Variants in SSRP1 observed in about 807,000 individuals in gnomAD.
SSRP1 encodes FACT complex subunit SSRP1.
SSRP1 carries 21 observed loss-of-function variants against 84.4 expected under a neutral mutation model. The ratio of observed to expected loss-of-function variants is 0.25; its 90% CI spans 0.18 to 0.36. The LOEUF is 0.36. Ranked by LOEUF, SSRP1 falls within the 10% of genes least tolerant of loss-of-function variation. The probability of loss-of-function intolerance (pLI) is 1.00; values close to 1 mark genes in which losing one functional copy is unlikely to be tolerated. For synonymous variants in SSRP1, 319 were observed against 318.3 expected, an observed-to-expected ratio of 1.00 and a Z score of -0.02; for missense variants, 519 against 900.8, an observed-to-expected ratio of 0.58 and a Z score of 5.43.
At chr11:57,331,447 G>A (rs977221913) in intron 9 of SSRP1, among the ~76,000 whole-genome samples, 1 of 151,778 alleles carries the variant, frequency 6.6e-6, no homozygotes, top group Non-Finnish European at 1.5e-5. Flanking sequence ...TACGGAAAAA[G>A]TTTTTTTTGT....
Position 57,330,273 on chromosome 11 carries a change from G to A in SSRP1, c.1435+18C>T. ...GAGCGTCTGACCATCCTCGTGCTCA[G>A]CACGGAGGCTAACCCACCGGTTTCT... On this transcript the variant is annotated intron_variant, in intron 11 of 16. Coordinates refer to ENST00000278412, the MANE Select transcript of SSRP1 (RefSeq NM_003146.3). The surrounding 1 kb of genome is among the most constrained non-coding windows in gnomAD (Gnocchi z 4.0). 1 of 1,614,218 alleles carries A rather than the reference G, an allele frequency of 6.2e-7. No individual in the cohort carries two copies. Among genetic ancestry groups the A allele is most frequent in the South Asian group, 1.1e-5 (1 of 91,084 alleles).
chr11:57,326,733 G>A lies in SSRP1; in HGVS notation c.2028C>T (p.Asn676=). 2 of 1,613,804 alleles carry A rather than the reference G, an allele frequency of 1.2e-6. No individual in the cohort carries two copies. The highest frequency in any genetic ancestry group is 1.7e-6 in the Non-Finnish European group (2 of 1,179,942). Residue 676 remains asparagine (N), a synonymous_variant, in exon 16 of 17, where the codon AAC becomes AAT. Coordinates refer to ENST00000278412, the MANE Select transcript of SSRP1 (RefSeq NM_003146.3). ...TCCTCCTCCTCTTCTTTTTGCTCTT[G>A]TTCTCTCCCGAAGAGCTCTCATCAC... ...VSSDESSSGE[N]KSKKKRRRSE... is the part of the protein sequence containing the mutation.
At chr11:57,327,141 GT>G (rs986203496) in intron 15 of SSRP1, 2 of 713,180 alleles carry the variant, frequency 2.8e-6, no homozygotes, top group Non-Finnish European at 4.5e-6. Context: ...ATCTTTTAGA[GT>G]TCATGCAAAC....
chr11:57,330,178 G>A lies in SSRP1; in HGVS notation c.1436-40C>T. The A allele has an allele frequency of 6.2e-7, 1 of 1,614,156 alleles. No homozygotes were observed. Among genetic ancestry groups the A allele is most frequent in the Non-Finnish European group, 8.5e-7 (1 of 1,180,030 alleles). On this transcript the variant is annotated intron_variant, in intron 11 of 16. Coordinates refer to ENST00000278412, the MANE Select transcript of SSRP1 (RefSeq NM_003146.3). The surrounding 1 kb of genome is among the most constrained non-coding windows in gnomAD (Gnocchi z 4.0). ...AGGATGCATCAGCTTCTGCCCCAAT[G>A]GAAATCCCCCCACCTCACCCAGGCA...
At position 57,330,848 on chromosome 11, in the gene SSRP1, G is replaced by A. The variant is rs1236477743; in HGVS notation, c.1296+7C>T. ...GAGAGGGTCTCATCCTCCCCACACA[G>A]AAGTACCTCTTTCAATCCTCGGTTT... On this transcript the variant is annotated splice_region_variant and intron_variant, in intron 10 of 16. Transcript: ENST00000278412. This position sits in a 1 kb window ranked among gnomAD's most constrained non-coding sequence, Gnocchi z 4.0. The A allele has an allele frequency of 6.2e-7, 1 of 1,614,098 alleles. No individual in the cohort carries two copies. Among genetic ancestry groups the A allele is most frequent in the Non-Finnish European group, 8.5e-7 (1 of 1,180,030 alleles).
rs73472539 is a variant in SSRP1 at position 57,333,833 on chromosome 11, A to G, written c.241-293T>C. On this transcript the variant is annotated intron_variant, in intron 3 of 16. Coordinates refer to ENST00000278412, the MANE Select transcript of SSRP1 (RefSeq NM_003146.3). ...AAAGCCTTTAACTCAAGCAGTTCAAAAAGGAAAACAAAACCCACACTTTAA... is the reference window on the plus strand; with the variant it reads ...AAAGCCTTTAACTCAAGCAGTTCAAGAAGGAAAACAAAACCCACACTTTAA... 8.4e-3 allele frequency among the ~76,000 whole-genome samples: 1,274 copies of G among 152,370 alleles called. 17 individuals are homozygous for G. The highest frequency in any genetic ancestry group is 0.028 in the African/African-American group (1,183 of 41,576).
At position 57,330,608 on chromosome 11, in the gene SSRP1, G is replaced by T. The variant is rs1856069457; in HGVS notation, c.1297-179C>A. Reference sequence around the variant, plus strand: ...ATGCCCAAGTACTTCCTGCCAACTGGGTTAGTCCAAGCCCCAAGCCCCTCC... The same window carrying T: ...ATGCCCAAGTACTTCCTGCCAACTGTGTTAGTCCAAGCCCCAAGCCCCTCC... On this transcript the variant is annotated intron_variant, in intron 10 of 16. Transcript: ENST00000278412. This position sits in a 1 kb window ranked among gnomAD's most constrained non-coding sequence, Gnocchi z 4.0. The T allele has an allele frequency of 1.4e-6, 2 of 1,431,072 alleles. No individual in the cohort carries two copies. Among genetic ancestry groups the T allele is most frequent in the East Asian group, 5.0e-5 (2 of 40,250 alleles). 88.6% of individuals were successfully genotyped at this position (1,431,072 alleles called of 1,614,324 possible).
In SSRP1 at chr11:57,326,246, C is replaced by G. The variant is rs938329945; in HGVS notation, c.*161G>C. ...TCCTTGGGAAGCAGCAGAGTTAAGA[C>G]GTCTCCCCACTGCCCTAGTGACATA... On this transcript the variant is annotated 3_prime_UTR_variant, in exon 17 of 17. Transcript: ENST00000278412. 33 of 673,398 alleles carry G rather than the reference C, an allele frequency of 4.9e-5. No homozygotes were observed. In the African/African-American group the frequency reaches 5.0e-4, roughly 10 times the overall value. The allele number at this position is 673,398 out of a possible 1,614,324, so 41.7% of individuals were successfully genotyped here. A position where few individuals can be genotyped will look rare whatever the true frequency, so the allele number is the denominator to read the frequency against.
chr11:57,332,125 G>C lies in SSRP1; in HGVS notation c.1001+27C>G. On this transcript the variant is annotated intron_variant, in intron 8 of 16. Transcript: ENST00000278412. The surrounding 1 kb of genome is among the most constrained non-coding windows in gnomAD (Gnocchi z 5.5). ...CACGGCATTTCCCATACCCAGGCAG[G>C]GCAGGATCCCAGGCCCACACTCTCA... 1.2e-6 allele frequency: 2 copies of C among 1,612,728 alleles called. No homozygotes were observed. Among genetic ancestry groups the C allele is most frequent in the Non-Finnish European group, 1.7e-6 (2 of 1,179,924 alleles).
chr11:57,328,190 A>G (rs1856021979), intron 13 of SSRP1, 107 bp downstream of exon 13: 4 of 1,505,732 alleles, frequency 2.7e-6, no homozygotes, highest in Admixed American at 2.2e-5. Context: ...AACAGCCCCA[A>G]GGAAGAACAG....
chr11:57,330,648 C>A lies in SSRP1; in HGVS notation c.1296+207G>T. On this transcript the variant is annotated intron_variant, in intron 10 of 16. Transcript: ENST00000278412. The surrounding 1 kb of genome is among the most constrained non-coding windows in gnomAD (Gnocchi z 4.0). ...CAAGCCCCTCCCTCTCCCAGCCCCA[C>A]TGGGGGCTCCTGAGGGGCTGCATAG... 6.9e-7 allele frequency: 1 copy of A among 1,444,202 alleles called. No individual in the cohort carries two copies. The highest frequency in any genetic ancestry group is 9.1e-7 in the Non-Finnish European group (1 of 1,104,948). The allele number at this position is 1,444,202 out of a possible 1,614,324, so 89.5% of individuals were successfully genotyped here.
intron 15 of SSRP1, 115 bp from the exon 16 acceptor site, chr11:57,327,004 T>A: frequency 1.4e-6 from 2 of 1,440,236 alleles, no homozygotes; most frequent in South Asian, 3.0e-5. Context: ...CCCATTTCAC[T>A]CTGAACGTAA....
Position 57,327,696 on chromosome 11 carries a change from C to A in SSRP1, c.1782+16G>T. On this transcript the variant is annotated intron_variant, in intron 14 of 16. Transcript: ENST00000278412. Reference sequence around the variant, plus strand: ...CAGCCCATGAGAGGCATCACCCCTCCTCTGCTGCTACTCACCTCTTTCTTC... The same window carrying A: ...CAGCCCATGAGAGGCATCACCCCTCATCTGCTGCTACTCACCTCTTTCTTC... 6.2e-7 allele frequency: 1 copy of A among 1,613,462 alleles called. No individual in the cohort carries two copies. The highest frequency in any genetic ancestry group is 8.5e-7 in the Non-Finnish European group (1 of 1,179,548).
intron 12 of SSRP1, chr11:57,329,888 A>G (rs1856055305): frequency 1.5e-6 from 1 of 657,424 alleles, no homozygotes; most frequent in Non-Finnish European, 2.6e-6. Context: ...AGATCCCACT[A>G]TACTTTTCCG....
intron 12 of SSRP1, chr11:57,328,922 C>G (rs1420099347): frequency 6.5e-6 from 1 of 153,192 alleles, no homozygotes; most frequent in Non-Finnish European, 1.5e-5. Flanking sequence ...CACACACGCA[C>G]GTAACACCCA....
At position 57,334,488 on chromosome 11, in the gene SSRP1, T is replaced by A; in HGVS notation, c.215A>T (p.Tyr72Phe). 6.2e-7 allele frequency: 1 copy of A among 1,614,256 alleles called. No individual in the cohort carries two copies. The highest frequency in any genetic ancestry group is 8.5e-7 in the Non-Finnish European group (1 of 1,180,054). The change falls in exon 3 of 17, where the codon TAC becomes TTC. Residue 72 changes from tyrosine to phenylalanine, a missense_variant. Transcript: ENST00000278412. Reference protein sequence around the residue: ...LKLLTKNGHVYKYDGFRESEF... With the variant: ...LKLLTKNGHVFKYDGFRESEF... ...CGATTCTCGGAAGCCATCATACTTG[T>A]AGACATGGCCATTCTTTGTAAGCAG...
At chr11:57,333,634 G>A in intron 3 of SSRP1, 94 bp from the exon 4 acceptor site, 3 of 880,592 alleles carry the variant, frequency 3.4e-6, no homozygotes, top group Non-Finnish European at 5.6e-6. Flanking sequence ...CTGAGAAACT[G>A]CCCCAAATAG....
At chr11:57,326,914 G>A (rs1322558258) in intron 15 of SSRP1, 25 bp from the exon 16 acceptor site, 2 of 1,555,014 alleles carry the variant, frequency 1.3e-6, no homozygotes, top group Non-Finnish European at 1.7e-6. Context: ...GGGAAGAGGA[G>A]CTGGGCCTTC....
chr11:57,332,468 T>C lies in SSRP1; in HGVS notation c.787A>G (p.Ile263Val), dbSNP rs1856113093. 1.9e-6 allele frequency: 3 copies of C among 1,613,864 alleles called. No individual in the cohort carries two copies. Among genetic ancestry groups the C allele is most frequent in the South Asian group, 2.2e-5 (2 of 91,078 alleles). ...MFFVISLDPP[I>V]KQGQTRYHFL... ...TGGTAGCGAGTTTGGCCTTGCTTGA[T>C]TGGGGGATCCAGGCTGATCTAGTAA... Residue 263 changes from isoleucine (I) to valine (V), a missense_variant, in exon 7 of 17, where the codon ATC becomes GTC. Around this residue, in one of 7 missense-constraint regions of SSRP1, gnomAD observed 159 missense variants for 359.0 expected, o/e 0.44. Transcript: ENST00000278412. The surrounding 1 kb of genome is among the most constrained non-coding windows in gnomAD (Gnocchi z 5.5).
Sources: allele counts gnomAD v4.1 joint callset (sites outside exome capture counted in the v4.1 genomes callset), GRCh38; gene constraint gnomAD v4.1.1; regional missense constraint gnomAD v4.1.1; non-coding constraint Gnocchi (gnomAD v3.1); transcripts MANE v1.5; gene names NCBI Gene and HGNC (gene_info 2026-07-23, HGNC 2026-07-21).